Variants in HS6ST3 observed in about 807,000 individuals in gnomAD.
The protein encoded by HS6ST3 is heparan sulfate 6-O-sulfotransferase 3.
Under a neutral mutation model 36.7 loss-of-function variants are expected in HS6ST3, and 12 were observed. The observed-to-expected ratio is 0.33, with a 90% CI of 0.21 to 0.53. The LOEUF (loss-of-function observed/expected upper bound fraction) is 0.53, where lower values mean the gene tolerates loss of function less well. HS6ST3 is among the 20% of genes least tolerant of loss of function. The pLI, the probability that HS6ST3 is intolerant of heterozygous loss-of-function variation, is 0.95. For synonymous variants in HS6ST3, 240 were observed against 257.5 expected, an observed-to-expected ratio of 0.93 and a Z score of 0.65; for missense variants, 584 against 640.9, an observed-to-expected ratio of 0.91 and a Z score of 0.96.
Position 96,799,540 on chromosome 13 carries a change from C to G in HS6ST3, c.708-32950C>G, listed in dbSNP as rs1463531693. Among the ~76,000 whole-genome samples the G allele has an allele frequency of 4.6e-5, 7 of 150,724 alleles. No individual in the cohort carries two copies. In the East Asian group the frequency reaches 1.4e-3, roughly 30 times the overall value. ...GTAAACTATCGCAAGAACAAAAAAC[C>G]AAACACCGCATATTCTCACTCATAG... On this transcript the variant is annotated intron_variant, in intron 1 of 1. Transcript: ENST00000376705.
At chr13:96,621,992 G>A (rs959844608) in intron 1 of HS6ST3, among the ~76,000 whole-genome samples, 3 of 89,936 alleles carry the variant, frequency 3.3e-5, no homozygotes, top group Admixed American at 1.1e-4. Flanking sequence ...AGCAAAGCAG[G>A]GCTATGTGCA....
chr13:96,134,132 T>C (rs1403223407), intron 1 of HS6ST3, among the ~76,000 whole-genome samples: 1 of 152,174 alleles, frequency 6.6e-6, no homozygotes, highest in African/African-American at 2.4e-5. Context: ...TTCTGTTCCA[T>C]TGGTCTGTGT....
chr13:96,771,420 T>C (rs1877261561), intron 1 of HS6ST3, among the ~76,000 whole-genome samples: 1 of 151,988 alleles, frequency 6.6e-6, no homozygotes, highest in Admixed American at 6.6e-5. Flanking sequence ...TAAAGTATAA[T>C]TAAAAAAAAT....
intron 1 of HS6ST3, among the ~76,000 whole-genome samples, chr13:96,564,765 A>G (rs1474544579): frequency 6.6e-6 from 1 of 152,160 alleles, no homozygotes; most frequent in Non-Finnish European, 1.5e-5. Flanking sequence ...ACAATTGACC[A>G]CTGGAATAGT....
intron 1 of HS6ST3, among the ~76,000 whole-genome samples, chr13:96,249,268 C>G (rs2054597420): frequency 6.6e-6 from 1 of 152,120 alleles, no homozygotes; most frequent in South Asian, 2.1e-4. Context: ...TAACACTGGG[C>G]CCCAGAAATC....
chr13:96,165,701 C>T (rs145738393), intron 1 of HS6ST3, among the ~76,000 whole-genome samples: 17 of 152,264 alleles, frequency 1.1e-4, no homozygotes, highest in Non-Finnish European at 1.9e-4. Context: ...AAGCAAACTA[C>T]AGGCTAGGTC....
chr13:96,477,824 C>T (rs1055395986), intron 1 of HS6ST3, among the ~76,000 whole-genome samples: 3 of 152,124 alleles, frequency 2.0e-5, no homozygotes, highest in South Asian at 2.1e-4. Flanking sequence ...GAGCCGAGAT[C>T]GCACCATTGC....
chr13:96,213,860 G>A (rs1249602736), intron 1 of HS6ST3, among the ~76,000 whole-genome samples: 1 of 152,102 alleles, frequency 6.6e-6, no homozygotes, highest in Non-Finnish European at 1.5e-5. Flanking sequence ...AGATCTCTAG[G>A]TCCTTATTTC....
chr13:96,516,594 T>C, intron 1 of HS6ST3, among the ~76,000 whole-genome samples: 1 of 152,322 alleles, frequency 6.6e-6, no homozygotes, highest in South Asian at 2.1e-4. Flanking sequence ...TTTAAATAAA[T>C]ATTTAATTTA....
At chr13:96,666,610 A>G (rs2138428184) in intron 1 of HS6ST3, among the ~76,000 whole-genome samples, 1 of 152,280 alleles carries the variant, frequency 6.6e-6, no homozygotes, top group East Asian at 1.9e-4. Context: ...TTCATTTAGC[A>G]TATTACAGCA....
chr13:96,387,252 TG>T (rs2055373100), intron 1 of HS6ST3, among the ~76,000 whole-genome samples: 1 of 152,222 alleles, frequency 6.6e-6, no homozygotes, highest in East Asian at 1.9e-4. Flanking sequence ...AAGACCATAA[TG>T]GGTTTGTGTT....
intron 1 of HS6ST3, among the ~76,000 whole-genome samples, chr13:96,275,786 T>G (rs1347078729): frequency 6.6e-6 from 1 of 152,110 alleles, no homozygotes; most frequent in Non-Finnish European, 1.5e-5. Context: ...TAAAGACTTT[T>G]CTGAAATGTC....
intron 1 of HS6ST3, among the ~76,000 whole-genome samples, chr13:96,681,052 C>T (rs949609409): frequency 1.3e-5 from 2 of 152,142 alleles, no homozygotes; most frequent in African/African-American, 4.8e-5. Context: ...TCAAAACGTG[C>T]CATATAGATA....
intron 1 of HS6ST3, among the ~76,000 whole-genome samples, chr13:96,508,490 G>A (rs187689339): frequency 1.1e-4 from 17 of 152,030 alleles, no homozygotes; most frequent in African/African-American, 3.4e-4. Flanking sequence ...AGTGTACATC[G>A]TACCTAATGT....
chr13:96,799,959 T>TGTATATATATAA (rs1878009344), intron 1 of HS6ST3, among the ~76,000 whole-genome samples: 1 of 93,262 alleles, frequency 1.1e-5, no homozygotes, highest in African/African-American at 6.2e-5. Flanking sequence ...TATATATATA[T>TGTATATATATAA]ATATGTGTAT....
chr13:96,813,992 A>G (rs988096630), intron 1 of HS6ST3, among the ~76,000 whole-genome samples: 4 of 152,178 alleles, frequency 2.6e-5, no homozygotes, highest in Non-Finnish European at 4.4e-5. Flanking sequence ...GAATAATTCT[A>G]TGACTCTTTC....
At chr13:96,525,417 T>C (rs1196031746) in intron 1 of HS6ST3, among the ~76,000 whole-genome samples, 1 of 152,196 alleles carries the variant, frequency 6.6e-6, no homozygotes, top group African/African-American at 2.4e-5. Flanking sequence ...CAGTGGACTC[T>C]GAATTTTCAG....
intron 1 of HS6ST3, among the ~76,000 whole-genome samples, chr13:96,731,463 A>G (rs1326697689): frequency 1.3e-5 from 2 of 152,250 alleles, no homozygotes; most frequent in East Asian, 3.9e-4. Flanking sequence ...TTGTGTATAT[A>G]TGCCATGTTT....
intron 1 of HS6ST3, among the ~76,000 whole-genome samples, chr13:96,139,392 G>A (rs2054018038): frequency 6.6e-6 from 1 of 151,816 alleles, no homozygotes; most frequent in Non-Finnish European, 1.5e-5. Flanking sequence ...AAGAGATAAA[G>A]CCATAACCCT....
Sources: gnomAD v4.1 joint callset for allele counts (sites outside exome capture counted in the v4.1 genomes callset) on GRCh38, gnomAD v4.1.1 for gene constraint, MANE v1.5 for transcripts, NCBI Gene and HGNC (gene_info 2026-07-23, HGNC 2026-07-21) for gene names.